LDB2: variants seen among roughly 807,000 people sequenced by gnomAD.
LDB2 encodes the protein LIM domain-binding protein 2.
A neutral mutation model predicts 44.3 loss-of-function variants in LDB2; 12 were observed. The observed-to-expected ratio is 0.27, with a 90% CI of 0.17 to 0.44. LDB2 has a LOEUF of 0.44. Among genes scored for constraint, LDB2 ranks in the 20% least tolerant of loss-of-function variants. LDB2 has a pLI of 1.00. For missense variants in LDB2, 344 were observed against 473.5 expected (o/e 0.73, Z 2.54); for synonymous variants, 164 against 174.8 (o/e 0.94, Z 0.49).
At chr4:16,599,692 A>G (rs1240724258) in intron 2 of LDB2, among the ~76,000 whole-genome samples, 1 of 152,196 alleles carries the variant, frequency 6.6e-6, no homozygotes, top group Non-Finnish European at 1.5e-5. Context: ...ATATATAAAT[A>G]ATGCGCAGTG....
intron 2 of LDB2, among the ~76,000 whole-genome samples, chr4:16,758,920 A>T (rs1459643134): frequency 6.6e-6 from 1 of 152,188 alleles, no homozygotes; most frequent in Non-Finnish European, 1.5e-5. Flanking sequence ...GACTTGGTTC[A>T]TATTTGCCTC....
At chr4:16,890,765 A>G (rs191462877) in intron 1 of LDB2, among the ~76,000 whole-genome samples, 1 of 152,146 alleles carries the variant, frequency 6.6e-6, no homozygotes, top group East Asian at 1.9e-4. Flanking sequence ...GGGTGGATCA[A>G]ATGAGGAGAT....
chr4:16,784,373 T>G (rs1773936657), intron 1 of LDB2, among the ~76,000 whole-genome samples: 1 of 152,178 alleles, frequency 6.6e-6, no homozygotes, highest in South Asian at 2.1e-4. Context: ...GGGCTGGTAA[T>G]TCCACCTTGA....
At chr4:16,557,272 G>T (rs1365643979) in intron 5 of LDB2, among the ~76,000 whole-genome samples, 1 of 152,222 alleles carries the variant, frequency 6.6e-6, no homozygotes, top group Admixed American at 6.5e-5. Context: ...GCCTTACTCG[G>T]GAAGCGCAAG....
chr4:16,502,387 C>T lies in LDB2; in HGVS notation c.*256G>A. ...CAGAAGATGCGCTAGAGTTTTCTCT[C>T]ATTTTAATTACAATCAGTGCCAGTA... On this transcript the variant is annotated 3_prime_UTR_variant, in exon 8 of 8. Coordinates refer to ENST00000304523, the MANE Select transcript of LDB2 (RefSeq NM_001290.5). The T allele has an allele frequency of 2.1e-6, 1 of 476,964 alleles. No individual in the cohort carries two copies. 29.5% of individuals were successfully genotyped at this position (476,964 alleles called of 1,614,324 possible).
intron 1 of LDB2, among the ~76,000 whole-genome samples, chr4:16,764,380 G>A (rs1768705312): frequency 6.6e-6 from 1 of 152,128 alleles, no homozygotes; most frequent in East Asian, 1.9e-4. Context: ...ATAATAAAGA[G>A]ATTAGGAGTT....
chr4:16,893,773 T>C (rs945224261), intron 1 of LDB2, among the ~76,000 whole-genome samples: 6 of 151,520 alleles, frequency 4.0e-5, no homozygotes, highest in Non-Finnish European at 7.4e-5. Context: ...CTCACACTTT[T>C]CTGGTGTTTA....
chr4:16,529,889 G>C (rs576716094), intron 5 of LDB2, among the ~76,000 whole-genome samples: 1 of 152,316 alleles, frequency 6.6e-6, no homozygotes, highest in South Asian at 2.1e-4. Flanking sequence ...TTCAGGCATT[G>C]AGTCTCTAGA....
At chr4:16,775,813 G>C (rs1474695438) in intron 1 of LDB2, among the ~76,000 whole-genome samples, 1 of 152,156 alleles carries the variant, frequency 6.6e-6, no homozygotes, top group Non-Finnish European at 1.5e-5. Flanking sequence ...GCCTGGCATA[G>C]TGTCTGGCTG....
chr4:16,874,665 T>C (rs1161311616), intron 1 of LDB2, among the ~76,000 whole-genome samples: 1 of 152,192 alleles, frequency 6.6e-6, no homozygotes, highest in African/African-American at 2.4e-5. Flanking sequence ...CAAAGCCTGC[T>C]CAGAGACCTG....
At position 16,874,323 on chromosome 4, in the gene LDB2, G is replaced by A. The variant is rs183611550; in HGVS notation, c.132+24031C>T. ...AAGACAAGAAGTACAGAAAAATCCC[G>A]TGTCTATATTTATCTATAAGTTCAT... On this transcript the variant is annotated intron_variant, in intron 1 of 7. Coordinates refer to ENST00000304523, the MANE Select transcript of LDB2 (RefSeq NM_001290.5). 1.6e-3 allele frequency among the ~76,000 whole-genome samples: 248 copies of A among 152,172 alleles called. 2 individuals carry two copies. Among genetic ancestry groups the A allele is most frequent in the Middle Eastern group, 6.8e-3 (2 of 294 alleles).
intron 2 of LDB2, among the ~76,000 whole-genome samples, chr4:16,681,038 T>C (rs1035623912): frequency 3.3e-5 from 5 of 152,220 alleles, no homozygotes; most frequent in African/African-American, 1.2e-4. Context: ...CAAATCTAGG[T>C]ACTGCTATAA....
intron 2 of LDB2, among the ~76,000 whole-genome samples, chr4:16,691,320 G>A (rs933866137): frequency 6.6e-6 from 1 of 152,102 alleles, no homozygotes; most frequent in Non-Finnish European, 1.5e-5. Flanking sequence ...TCATGGAACT[G>A]TACGAGCCAC....
intron 5 of LDB2, among the ~76,000 whole-genome samples, chr4:16,554,991 TAGGG>T (rs1318007841): frequency 6.6e-6 from 1 of 152,096 alleles, no homozygotes; most frequent in Non-Finnish European, 1.5e-5. Flanking sequence ...GGGATGCTGA[TAGGG>T]AGAGAGGCCA....
At chr4:16,521,873 C>T (rs1726234774) in intron 5 of LDB2, among the ~76,000 whole-genome samples, 1 of 152,150 alleles carries the variant, frequency 6.6e-6, no homozygotes, top group Admixed American at 6.5e-5. Flanking sequence ...GATTGACATA[C>T]ATAGTTTATA....
chr4:16,820,006 A>T (rs1781640052), intron 1 of LDB2, among the ~76,000 whole-genome samples: 1 of 152,232 alleles, frequency 6.6e-6, no homozygotes, highest in South Asian at 2.1e-4. Context: ...TCAGCCAACA[A>T]GCATGATATA....
In LDB2 at chr4:16,571,240, G is replaced by C. The variant is rs374920502; in HGVS notation, c.615+14682C>G. 1.1e-3 allele frequency among the ~76,000 whole-genome samples: 172 copies of C among 152,280 alleles called. 3 individuals are homozygous for C. The South Asian group carries it at 0.035, about 31-fold the overall frequency. On this transcript the variant is annotated intron_variant, in intron 5 of 7. Coordinates refer to ENST00000304523, the MANE Select transcript of LDB2 (RefSeq NM_001290.5). Reference sequence around the variant, plus strand: ...TCTCCTTCGAGGAGTGACACAGCTTGATCTACATTTTTTAAATATATGTGC... The same window carrying C: ...TCTCCTTCGAGGAGTGACACAGCTTCATCTACATTTTTTAAATATATGTGC...
intron 2 of LDB2, among the ~76,000 whole-genome samples, chr4:16,618,204 C>A (rs903274709): frequency 1.3e-5 from 2 of 152,178 alleles, no homozygotes; most frequent in African/African-American, 4.8e-5. Context: ...TCCCAGGCCT[C>A]ACCCCCAGCA....
chr4:16,733,376 C>G (rs564184962), intron 2 of LDB2, among the ~76,000 whole-genome samples: 7 of 151,802 alleles, frequency 4.6e-5, no homozygotes, highest in African/African-American at 1.5e-4. Context: ...AGTTGGGGGG[C>G]TCTTGAGGGC....
Sources: gnomAD v4.1 joint callset for allele counts (sites outside exome capture counted in the v4.1 genomes callset) on GRCh38, gnomAD v4.1.1 for gene constraint, MANE v1.5 for transcripts, NCBI Gene and HGNC (gene_info 2026-07-23, HGNC 2026-07-21) for gene names.